KAT6B: variants seen among roughly 807,000 people sequenced by gnomAD.
KAT6B encodes lysine acetyltransferase 6B.
KAT6B carries 10 observed loss-of-function variants against 187.5 expected under a neutral mutation model. That is an observed-to-expected ratio of 0.05 (90% CI 0.03 to 0.09). The LOEUF (loss-of-function observed/expected upper bound fraction) is 0.09. Ranked by LOEUF, KAT6B falls within the 10% of genes least tolerant of loss-of-function variation. KAT6B has a pLI of 1.00. For synonymous variants in KAT6B, 861 were observed against 926.8 expected (o/e 0.93, Z 1.29); for missense variants, 1,952 against 2,558.9 (o/e 0.76, Z 5.12).
At chr10:74,985,381 A>C (rs1236117752) in intron 12 of KAT6B, 140 bp downstream of exon 12, 2 of 881,566 alleles carry the variant, frequency 2.3e-6, no homozygotes, top group Admixed American at 4.9e-5. Context: ...TCTTGTTCAG[A>C]GCTCATTTTA....
chr10:74,900,754 T>TA (rs1846323862), intron 3 of KAT6B, among the ~76,000 whole-genome samples: 1 of 152,186 alleles, frequency 6.6e-6, no homozygotes, highest in African/African-American at 2.4e-5. Context: ...TCCCAGCCAA[T>TA]AGCTATCACT....
At chr10:74,978,214 T>A (rs529625632) in intron 9 of KAT6B, among the ~76,000 whole-genome samples, 4 of 152,230 alleles carry the variant, frequency 2.6e-5, no homozygotes, top group Non-Finnish European at 5.9e-5. Context: ...CCTTCAGAGC[T>A]ATTGGGTATT....
chr10:74,920,674 A>T (rs1273893762), intron 3 of KAT6B, among the ~76,000 whole-genome samples: 1 of 152,202 alleles, frequency 6.6e-6, no homozygotes, highest in Non-Finnish European at 1.5e-5. Context: ...ATAGCATTTA[A>T]TACAATGATA....
At chr10:74,997,917 G>T (rs1339801461) in intron 13 of KAT6B, among the ~76,000 whole-genome samples, 1 of 152,056 alleles carries the variant, frequency 6.6e-6, no homozygotes, top group Non-Finnish European at 1.5e-5. Flanking sequence ...TTCGAGACCA[G>T]CCTGGCCAAC....
intron 3 of KAT6B, among the ~76,000 whole-genome samples, chr10:74,916,776 AT>A (rs1847718839): frequency 6.6e-6 from 1 of 152,142 alleles, no homozygotes; most frequent in African/African-American, 2.4e-5. Flanking sequence ...CCAATTATTT[AT>A]TTACCTTATA....
rs1342397525 is a variant in KAT6B at position 74,979,256 on chromosome 10, T to C, written c.2148T>C (p.Cys716=). The part of the protein sequence containing the change: ...KIECESGVED[C]GRYPSVIEFG... ...AGTGTGAGAGTGGGGTGGAAGACTG[T>C]GGCCGGTACCCTTCTGTGATTGAAT... Residue 716 remains cysteine, a synonymous_variant, in exon 10 of 18, where the codon TGT becomes TGC. Coordinates refer to ENST00000287239, the MANE Select transcript of KAT6B (RefSeq NM_012330.4). 1.2e-6 allele frequency: 2 copies of C among 1,613,758 alleles called. No individual in the cohort carries two copies. The highest frequency in any genetic ancestry group is 1.7e-6 in the Non-Finnish European group (2 of 1,179,826).
intron 3 of KAT6B, among the ~76,000 whole-genome samples, chr10:74,923,359 G>C (rs1848276928): frequency 1.3e-5 from 2 of 152,198 alleles, no homozygotes; most frequent in Non-Finnish European, 2.9e-5. Flanking sequence ...GAGCAAAACA[G>C]ACAAGTCTCT....
At chr10:74,919,899 C>T (rs752287367) in intron 3 of KAT6B, among the ~76,000 whole-genome samples, 6 of 152,036 alleles carry the variant, frequency 3.9e-5, no homozygotes, top group African/African-American at 9.7e-5. Context: ...TCAAATTTGT[C>T]ATCTTTTATA....
At chr10:75,015,306 G>C (rs1306006008) in intron 13 of KAT6B, among the ~76,000 whole-genome samples, 1 of 152,130 alleles carries the variant, frequency 6.6e-6, no homozygotes, top group African/African-American at 2.4e-5. Flanking sequence ...TGCCAAGGAG[G>C]CACCTGTATC....
At chr10:75,003,490 T>C (rs2133988734) in intron 13 of KAT6B, among the ~76,000 whole-genome samples, 1 of 152,342 alleles carries the variant, frequency 6.6e-6, no homozygotes, top group Admixed American at 6.5e-5. Flanking sequence ...CTCCCACCTT[T>C]GCCCCCATGA....
At chr10:74,859,902 T>C (rs1843058874) in intron 3 of KAT6B, among the ~76,000 whole-genome samples, 1 of 152,204 alleles carries the variant, frequency 6.6e-6, no homozygotes, top group South Asian at 2.1e-4. Flanking sequence ...GCAGTAAATC[T>C]TGCTAGTGTA....
intron 3 of KAT6B, among the ~76,000 whole-genome samples, chr10:74,918,225 A>T (rs11001201): frequency 0.081 from 12,359 of 152,284 alleles, 666 homozygotes; most frequent in South Asian, 0.27. Flanking sequence ...TTGGGCACCT[A>T]TTATATGGCA....
chr10:74,960,562 A>AC (rs1216599366), intron 4 of KAT6B, among the ~76,000 whole-genome samples: 1 of 151,964 alleles, frequency 6.6e-6, no homozygotes, highest in African/African-American at 2.4e-5. Flanking sequence ...TCTAAAAAAA[A>AC]AAAACAAAAA....
Position 75,022,169 on chromosome 10 carries a change from GAAA to G in KAT6B, c.3312_3314del (p.Glu1104_Asn1105delinsAsp), listed in dbSNP as rs869035066. ...AGAGGAAGAAGAAGAAGAAGAAGAA[GAAA>G]ATATTCAAAGCTCTCCCCCAAGATT... is the stretch of plus-strand genomic sequence containing the variant. On this transcript the variant is annotated inframe_deletion, in exon 16 of 18. Transcript: ENST00000287239. 1.2e-6 allele frequency: 2 copies of G among 1,600,108 alleles called. No individual in the cohort carries two copies. The highest frequency in any genetic ancestry group is 2.9e-5 in the African/African-American group (2 of 69,584).
chr10:74,951,209 A>G (rs1840295627), intron 3 of KAT6B, among the ~76,000 whole-genome samples: 2 of 151,466 alleles, frequency 1.3e-5, no homozygotes, highest in South Asian at 4.2e-4. Context: ...GGCTTGCTGC[A>G]ACCTCCCTCT....
At chr10:74,911,128 C>G (rs1201599400) in intron 3 of KAT6B, among the ~76,000 whole-genome samples, 1 of 152,184 alleles carries the variant, frequency 6.6e-6, no homozygotes, top group African/African-American at 2.4e-5. Context: ...ATAAACACTG[C>G]TTGCATTCCT....
At chr10:74,883,472 TCTC>T (rs1188099201) in intron 3 of KAT6B, among the ~76,000 whole-genome samples, 2 of 152,184 alleles carry the variant, frequency 1.3e-5, no homozygotes, top group African/African-American at 2.4e-5. Flanking sequence ...GCCCCCTACT[TCTC>T]CTGTTCCCCT....
chr10:74,900,889 T>G lies in KAT6B; in HGVS notation c.621+57411T>G, dbSNP rs967584654. On this transcript the variant is annotated intron_variant, in intron 3 of 17. Transcript: ENST00000287239. ...GACTGTTTGTCCAGGTGTCATTCCT[T>G]GTTATAGGAGTTTTAAAAGCAGAAA... Among the ~76,000 whole-genome samples the G allele has an allele frequency of 4.6e-5, 7 of 152,286 alleles. No homozygotes were observed. In the South Asian group the frequency reaches 1.5e-3, roughly 32 times the overall value.
chr10:74,836,411 T>C (rs559086211), intron 1 of KAT6B, among the ~76,000 whole-genome samples: 1 of 152,378 alleles, frequency 6.6e-6, no homozygotes, highest in African/African-American at 2.4e-5. Flanking sequence ...TTGCTATTTC[T>C]TAATTGCTTC....
Sources: gnomAD v4.1 joint callset for allele counts (sites outside exome capture counted in the v4.1 genomes callset) on GRCh38, gnomAD v4.1.1 for gene constraint, MANE v1.5 for transcripts, NCBI Gene and HGNC (gene_info 2026-07-23, HGNC 2026-07-21) for gene names.